Variants in NBEA observed in about 807,000 individuals in gnomAD.
NBEA encodes the protein neurobeachin, also known as lysosomal-trafficking regulator 2.
Under a neutral mutation model 343.4 loss-of-function variants are expected in NBEA, and 44 were observed. The ratio of observed to expected loss-of-function variants is 0.13; its 90% CI spans 0.10 to 0.16. The LOEUF (loss-of-function observed/expected upper bound fraction) is 0.16, where lower values mean the gene tolerates loss of function less well. Among genes scored for constraint, NBEA ranks in the 10% least tolerant of loss-of-function variants. The probability of loss-of-function intolerance (pLI) is 1.00; values close to 1 mark genes in which losing one functional copy is unlikely to be tolerated. For missense variants in NBEA, 2,555 were observed against 3,631.3 expected, an observed-to-expected ratio of 0.70 and a Z score of 7.62; for synonymous variants, 1,175 against 1,238.7, an observed-to-expected ratio of 0.95 and a Z score of 1.08.
chr13:35,233,555 C>A (rs971078450), intron 34 of NBEA, among the ~76,000 whole-genome samples: 8 of 152,102 alleles, frequency 5.3e-5, no homozygotes, highest in African/African-American at 1.9e-4. Flanking sequence ...GTCAGTGATA[C>A]AGCACTTTAG....
At chr13:35,505,071 G>A (rs1164899158) in intron 41 of NBEA, among the ~76,000 whole-genome samples, 2 of 152,076 alleles carry the variant, frequency 1.3e-5, no homozygotes, top group African/African-American at 2.4e-5. Context: ...TTTAAAGAAT[G>A]TGGGCAGAAA....
intron 41 of NBEA, among the ~76,000 whole-genome samples, chr13:35,514,431 G>C (rs1484372985): frequency 6.6e-6 from 1 of 152,114 alleles, no homozygotes; most frequent in Non-Finnish European, 1.5e-5. Context: ...CTTGTCATGT[G>C]TTGTCAGACT....
intron 25 of NBEA, 48 bp from the exon 26 acceptor site, chr13:35,171,224 C>A: frequency 6.6e-7 from 1 of 1,521,298 alleles, no homozygotes; most frequent in South Asian, 1.2e-5. Flanking sequence ...ATTATATTTC[C>A]AAATTTCCAA....
At chr13:35,592,925 G>T (rs1486975386) in intron 46 of NBEA, 2 of 157,802 alleles carry the variant, frequency 1.3e-5, no homozygotes, top group African/African-American at 4.8e-5. Flanking sequence ...TGATTTTTGT[G>T]ATCAGTATCA....
chr13:35,301,405 T>C (rs1321326813), intron 35 of NBEA, among the ~76,000 whole-genome samples: 2 of 152,132 alleles, frequency 1.3e-5, no homozygotes, highest in Admixed American at 1.3e-4. Context: ...GTTCTCATTG[T>C]TCAACTCCCA....
intron 34 of NBEA, among the ~76,000 whole-genome samples, chr13:35,254,151 A>G (rs1164660047): frequency 1.3e-5 from 2 of 151,984 alleles, no homozygotes; most frequent in Non-Finnish European, 2.9e-5. Context: ...GGAAACTATT[A>G]TAATAATATA....
At chr13:35,487,148 A>G (rs1279088297) in intron 41 of NBEA, among the ~76,000 whole-genome samples, 4 of 151,948 alleles carry the variant, frequency 2.6e-5, no homozygotes, top group African/African-American at 9.7e-5. Context: ...CATTTCCAAG[A>G]AAGCTATGCC....
intron 33 of NBEA, among the ~76,000 whole-genome samples, chr13:35,224,015 C>T (rs2074518722): frequency 6.6e-6 from 1 of 152,174 alleles, no homozygotes; most frequent in African/African-American, 2.4e-5. Context: ...CTTCCCTTAT[C>T]TCCTAGAATT....
At chr13:35,199,284 T>A (rs1311396900) in intron 31 of NBEA, among the ~76,000 whole-genome samples, 1 of 152,132 alleles carries the variant, frequency 6.6e-6, no homozygotes, top group Non-Finnish European at 1.5e-5. Context: ...ATGTCTGAAA[T>A]CCAAGTTATG....
intron 1 of NBEA, among the ~76,000 whole-genome samples, chr13:34,984,544 T>C (rs1274808516): frequency 6.6e-6 from 1 of 151,432 alleles, no homozygotes; most frequent in Non-Finnish European, 1.5e-5. Flanking sequence ...TTTGGTTGCA[T>C]ATGAACTTTA....
At chr13:35,564,786 A>G (rs920367860) in intron 44 of NBEA, among the ~76,000 whole-genome samples, 18 of 152,286 alleles carry the variant, frequency 1.2e-4, no homozygotes, top group African/African-American at 3.9e-4. Context: ...TCTCTCTCAT[A>G]TATACCTCTA....
rs185203161 is a variant in NBEA, at chr13:35,351,203, A to G, written c.6013-954A>G. Among the ~76,000 whole-genome samples the G allele has an allele frequency of 2.6e-5, 4 of 152,128 alleles. No homozygotes were observed. The East Asian group carries it at 7.7e-4, about 29-fold the overall frequency. ...CCTTCCATGAAATAGATTTTTGCAT[A>G]GTAATGATGAATGTGAACTACTTCT... On this transcript the variant is annotated intron_variant, in intron 37 of 58. Coordinates refer to ENST00000379939, the MANE Select transcript of NBEA (RefSeq NM_001385012.1).
intron 34 of NBEA, among the ~76,000 whole-genome samples, chr13:35,275,366 A>T (rs2034505868): frequency 6.6e-6 from 1 of 152,218 alleles, no homozygotes; most frequent in Non-Finnish European, 1.5e-5. Context: ...GATGGATTGA[A>T]GACTTAAAAT....
At chr13:35,117,249 T>G (rs542505147) in intron 13 of NBEA, among the ~76,000 whole-genome samples, 165 bp from the exon 14 acceptor site, 36 of 151,876 alleles carry the variant, frequency 2.4e-4, no homozygotes, top group African/African-American at 8.7e-4. Context: ...TGAAAGTTAA[T>G]TTTTGGATAC....
At chr13:35,157,511 T>G (rs2069251100) in intron 21 of NBEA, among the ~76,000 whole-genome samples, 1 of 152,172 alleles carries the variant, frequency 6.6e-6, no homozygotes, top group Non-Finnish European at 1.5e-5. Context: ...GACATACATC[T>G]GTTTTATAGC....
intron 1 of NBEA, among the ~76,000 whole-genome samples, chr13:34,948,135 G>A (rs1266182491): frequency 6.6e-6 from 1 of 152,178 alleles, no homozygotes; most frequent in Non-Finnish European, 1.5e-5. Context: ...TCTTGTTTTT[G>A]TGTGTCTGGC....
At chr13:35,059,267 A>G (rs1394748569) in intron 8 of NBEA, among the ~76,000 whole-genome samples, 1 of 151,962 alleles carries the variant, frequency 6.6e-6, no homozygotes, top group Non-Finnish European at 1.5e-5. Flanking sequence ...AATATATTTC[A>G]TGGGCCTAAA....
chr13:35,328,296 G>A (rs1368469481), intron 36 of NBEA, among the ~76,000 whole-genome samples: 1 of 151,672 alleles, frequency 6.6e-6, no homozygotes, highest in Admixed American at 6.6e-5. Context: ...GCACTTAGGG[G>A]TATACTTTAA....
At chr13:35,211,785 C>T (rs575108512) in intron 33 of NBEA, among the ~76,000 whole-genome samples, 2 of 152,270 alleles carry the variant, frequency 1.3e-5, no homozygotes, top group East Asian at 3.9e-4. Context: ...CACCACTGCA[C>T]TCCAGCCTGG....
Sources: allele counts gnomAD v4.1 joint callset (sites outside exome capture counted in the v4.1 genomes callset), GRCh38; gene constraint gnomAD v4.1.1; transcripts MANE v1.5; gene names NCBI Gene and HGNC (gene_info 2026-07-23, HGNC 2026-07-21).